Variants in GALNT11 observed in about 807,000 individuals in gnomAD.
The protein encoded by GALNT11 is polypeptide N-acetylgalactosaminyltransferase 11.
Under a neutral mutation model 72.7 loss-of-function variants are expected in GALNT11, and 47 were observed. The observed-to-expected ratio is 0.65, with a 90% CI of 0.51 to 0.82. The LOEUF (loss-of-function observed/expected upper bound fraction) is 0.82, where lower values mean the gene tolerates loss of function less well. Ranked by LOEUF, GALNT11 falls within the 40% of genes least tolerant of loss-of-function variation. GALNT11 has a pLI of 0.00. For synonymous variants in GALNT11, 270 were observed against 286.6 expected (o/e 0.94, Z 0.58); for missense variants, 677 against 778.4 (o/e 0.87, Z 1.55).
chr7:152,027,907 G>A (rs1361881770), intron 1 of GALNT11, among the ~76,000 whole-genome samples: 1 of 151,986 alleles, frequency 6.6e-6, no homozygotes, highest in Non-Finnish European at 1.5e-5. Context: ...TCCTCCCAGT[G>A]GGTTCATGAG....
In GALNT11 at chr7:152,105,966, A is replaced by T. The variant is rs562834012; in HGVS notation, c.712+596A>T. ...CTGCTCTCCCCCTTTAAAAAGAAAT[A>T]ACCGATCTCAAATTCAGTCTTCTGC... is the stretch of plus-strand genomic sequence containing the variant. On this transcript the variant is annotated intron_variant, in intron 5 of 11. Transcript: ENST00000430044. 1.7e-3 allele frequency among the ~76,000 whole-genome samples: 252 copies of T among 152,236 alleles called. 1 individual carries two copies. Among genetic ancestry groups the T allele is most frequent in the African/African-American group, 5.7e-3 (237 of 41,534 alleles).
intron 1 of GALNT11, among the ~76,000 whole-genome samples, chr7:152,028,594 G>A (rs2082153880): frequency 6.6e-6 from 1 of 152,194 alleles, no homozygotes; most frequent in Non-Finnish European, 1.5e-5. Context: ...ACAGAGCCCT[G>A]ATTGGTGCAT....
chr7:152,066,921 C>A (rs10233255), intron 1 of GALNT11, among the ~76,000 whole-genome samples: 7,229 of 152,192 alleles, frequency 0.047, 578 homozygotes, highest in African/African-American at 0.17. Context: ...CCTGAGTATT[C>A]GCAAAACGTA....
intron 1 of GALNT11, among the ~76,000 whole-genome samples, chr7:152,041,241 T>C (rs1230275474): frequency 6.6e-6 from 1 of 152,218 alleles, no homozygotes; most frequent in East Asian, 1.9e-4. Flanking sequence ...TTTCCCAACT[T>C]TTTATTATCG....
In GALNT11 at chr7:152,094,280, C is replaced by T. The variant is rs146627996; in HGVS notation, c.53C>T (p.Ala18Val). Residue 18 changes from alanine (A) to valine (V), a missense_variant, in exon 2 of 12, where the codon GCG becomes GTG. Ala to Val is a moderately conservative substitution (Grantham distance 64, BLOSUM62 0). Transcript: ENST00000430044. This position sits in a 1 kb window ranked among gnomAD's most constrained non-coding sequence, Gnocchi z 4.3. ...TGTTATGGGTGCCTTTTTACATCTG[C>T]GACCTGGACAGTTTTGCTTTTTGTT... ...YFCYGCLFTS[A>V]TWTVLLFVYF... The T allele has an allele frequency of 2.8e-3, 4,507 of 1,613,408 alleles. 14 individuals carry two copies. Among genetic ancestry groups the T allele is most frequent in the Middle Eastern group, 5.8e-3 (35 of 6,060 alleles).
chr7:152,108,030 C>T lies in GALNT11; in HGVS notation c.713-8C>T. On this transcript the variant is annotated splice_polypyrimidine_tract_variant and splice_region_variant and intron_variant, in intron 5 of 11. Coordinates refer to ENST00000430044, the MANE Select transcript of GALNT11 (RefSeq NM_022087.4). ...CACTCTCCTGAGCCTCTGTTGTTTCCTCCCCAGGAGAAGTCCTTGTGTTCC... is the reference window on the plus strand; with the variant it reads ...CACTCTCCTGAGCCTCTGTTGTTTCTTCCCCAGGAGAAGTCCTTGTGTTCC... The T allele has an allele frequency of 6.2e-7, 1 of 1,600,704 alleles. No individual in the cohort carries two copies. The highest frequency in any genetic ancestry group is 8.5e-7 in the Non-Finnish European group (1 of 1,169,732).
At chr7:152,106,008 T>C (rs1587403759) in intron 5 of GALNT11, among the ~76,000 whole-genome samples, 2 of 97,194 alleles carry the variant, frequency 2.1e-5, no homozygotes, top group Admixed American at 2.1e-4. Flanking sequence ...TATATCTGGT[T>C]AGTCTTCAGT....
chr7:152,107,845 G>A (rs547984545), intron 5 of GALNT11, 193 bp from the exon 6 acceptor site: 54 of 581,710 alleles, frequency 9.3e-5, no homozygotes, highest in South Asian at 1.5e-4. Context: ...GACACTGCAC[G>A]CAGCATTACT....
intron 10 of GALNT11, chr7:152,120,353 G>A (rs915201566): frequency 6.0e-6 from 1 of 168,008 alleles, no homozygotes; most frequent in African/African-American, 2.4e-5. Context: ...GTTGGAGAGT[G>A]AGTTGTTCAC....
intron 8 of GALNT11, chr7:152,116,844 T>C: frequency 2.0e-6 from 1 of 505,834 alleles, no homozygotes; most frequent in Non-Finnish European, 3.8e-6. Context: ...TTAATTATTT[T>C]AAGGAATTAA....
chr7:152,110,297 T>A (rs899145977), intron 6 of GALNT11, among the ~76,000 whole-genome samples: 4 of 152,210 alleles, frequency 2.6e-5, no homozygotes, highest in Non-Finnish European at 5.9e-5. Flanking sequence ...AAAAGAACTT[T>A]CGAGACTTAG....
At chr7:152,065,069 C>T (rs2084229705) in intron 1 of GALNT11, among the ~76,000 whole-genome samples, 1 of 152,212 alleles carries the variant, frequency 6.6e-6, no homozygotes, top group Non-Finnish European at 1.5e-5. Flanking sequence ...GTTCCATTCT[C>T]CCCGTCACTT....
chr7:152,070,392 C>A (rs572170590), intron 1 of GALNT11, among the ~76,000 whole-genome samples: 1 of 152,294 alleles, frequency 6.6e-6, no homozygotes, highest in South Asian at 2.1e-4. Flanking sequence ...ACTTATCACA[C>A]AGTTCTGGAA....
At chr7:152,026,156 G>A (rs1185026446) in intron 1 of GALNT11, among the ~76,000 whole-genome samples, 1 of 152,172 alleles carries the variant, frequency 6.6e-6, no homozygotes, top group Non-Finnish European at 1.5e-5. Flanking sequence ...TATTTAGGAC[G>A]GAGGCACACC....
chr7:152,045,940 T>A (rs1442423720), intron 1 of GALNT11, among the ~76,000 whole-genome samples: 1 of 152,128 alleles, frequency 6.6e-6, no homozygotes, highest in African/African-American at 2.4e-5. Flanking sequence ...CTATAAACTT[T>A]CCTCTTAGTT....
intron 1 of GALNT11, among the ~76,000 whole-genome samples, chr7:152,083,708 C>T (rs1374657167): frequency 6.6e-6 from 1 of 151,996 alleles, no homozygotes; most frequent in African/African-American, 2.4e-5. Flanking sequence ...ATTAACTTGT[C>T]TAGCTCCAGA....
chr7:152,108,323 G>T, intron 6 of GALNT11, 36 bp downstream of exon 6: 1 of 1,581,488 alleles, frequency 6.3e-7, no homozygotes, highest in Non-Finnish European at 8.6e-7. Context: ...ATTCCTACCA[G>T]TGCTTCCTTA....
At chr7:152,027,120 G>T (rs1272907566) in intron 1 of GALNT11, among the ~76,000 whole-genome samples, 1 of 151,990 alleles carries the variant, frequency 6.6e-6, no homozygotes. Flanking sequence ...GTGGTGGCAG[G>T]CGCCTGTAAT....
intron 1 of GALNT11, among the ~76,000 whole-genome samples, chr7:152,063,552 T>C (rs1411752968): frequency 6.6e-6 from 1 of 152,206 alleles, no homozygotes; most frequent in Admixed American, 6.5e-5. Context: ...TAATTGTATG[T>C]TAGGGTGTCA....
Sources: allele counts gnomAD v4.1 joint callset (sites outside exome capture counted in the v4.1 genomes callset), GRCh38; gene constraint gnomAD v4.1.1; non-coding constraint Gnocchi (gnomAD v3.1); transcripts MANE v1.5; gene names NCBI Gene and HGNC (gene_info 2026-07-23, HGNC 2026-07-21).